The following CDH2 variants were observed in gnomAD, a reference collection of about 807,000 sequenced individuals.
CDH2 encodes the protein cadherin-2.
In CDH2, 17 loss-of-function variants were observed where a neutral mutation model predicts 92.0. The ratio of observed to expected loss-of-function variants is 0.18; its 90% CI spans 0.13 to 0.28. The LOEUF (loss-of-function observed/expected upper bound fraction) is 0.28. CDH2 is among the 10% of genes least tolerant of loss of function. The probability of loss-of-function intolerance (pLI) is 1.00; values close to 1 mark genes in which losing one functional copy is unlikely to be tolerated. For synonymous variants in CDH2, 419 were observed against 415.9 expected (o/e 1.01, Z -0.09); for missense variants, 862 against 1,133.1 (o/e 0.76, Z 3.44).
chr18:28,026,591 A>G (rs2013559743), intron 2 of CDH2, among the ~76,000 whole-genome samples: 1 of 152,118 alleles, frequency 6.6e-6, no homozygotes, highest in Non-Finnish European at 1.5e-5. Context: ...CCTGGAAATT[A>G]TTCTTCCTCA....
intron 5 of CDH2, among the ~76,000 whole-genome samples, chr18:28,008,341 T>C (rs2012999643): frequency 6.6e-6 from 1 of 152,174 alleles, no homozygotes; most frequent in Admixed American, 6.5e-5. Flanking sequence ...TGGAAAGCAT[T>C]AGAATAACCT....
intron 2 of CDH2, among the ~76,000 whole-genome samples, chr18:28,109,962 T>C (rs975010393): frequency 6.6e-6 from 1 of 152,158 alleles, no homozygotes; most frequent in African/African-American, 2.4e-5. Context: ...AGAATGTACA[T>C]ACCATACTTT....
chr18:28,029,868 A>C (rs2013649819), intron 2 of CDH2, among the ~76,000 whole-genome samples: 1 of 152,120 alleles, frequency 6.6e-6, no homozygotes, highest in Non-Finnish European at 1.5e-5. Flanking sequence ...AAGGTATTTT[A>C]AATTTTTCAG....
chr18:27,954,704 C>A (rs1417177219), intron 15 of CDH2: 1 of 152,156 alleles, frequency 6.6e-6, no homozygotes, highest in African/African-American at 2.4e-5. Context: ...CTAACAAAAG[C>A]CGAAGAATGC....
At chr18:28,157,003 T>C (rs1473154192) in intron 1 of CDH2, among the ~76,000 whole-genome samples, 7 of 152,198 alleles carry the variant, frequency 4.6e-5, no homozygotes, top group Admixed American at 2.0e-4. Flanking sequence ...TCTCAAAAGA[T>C]AGACAGGAGC....
downstream of CDH2, among the ~76,000 whole-genome samples, chr18:27,947,656 T>G (rs146042968): frequency 7.4e-3 from 1,089 of 147,566 alleles, 4 homozygotes; most frequent in Non-Finnish European, 0.012. Context: ...GTATGTGATA[T>G]AAGTATATGT....
intron 14 of CDH2, among the ~76,000 whole-genome samples, chr18:27,974,099 C>T (rs976622478): frequency 6.6e-6 from 1 of 152,212 alleles, no homozygotes; most frequent in African/African-American, 2.4e-5. Flanking sequence ...ATTTGTGTGG[C>T]TACTTCTCTC....
intron 2 of CDH2, among the ~76,000 whole-genome samples, chr18:28,137,199 C>A (rs1841700810): frequency 6.6e-6 from 1 of 152,092 alleles, no homozygotes; most frequent in Non-Finnish European, 1.5e-5. Context: ...TGCATTGTTA[C>A]AAAGAATGAC....
At chr18:28,058,901 C>A (rs1252770634) in intron 2 of CDH2, among the ~76,000 whole-genome samples, 4 of 152,156 alleles carry the variant, frequency 2.6e-5, no homozygotes, top group African/African-American at 4.8e-5. Flanking sequence ...GCATAAATAT[C>A]TTAAGTATTG....
intron 1 of CDH2, among the ~76,000 whole-genome samples, chr18:28,175,607 C>A (rs546915084): frequency 6.5e-4 from 99 of 152,288 alleles, no homozygotes; most frequent in Non-Finnish European, 1.1e-3. Context: ...AGCCCCTGCC[C>A]CCGCCCCAGC....
intron 2 of CDH2, among the ~76,000 whole-genome samples, chr18:28,064,144 G>A (rs547635629): frequency 6.6e-6 from 1 of 150,728 alleles, no homozygotes. Context: ...AGAGGGGGGG[G>A]TAGGTGGGGA....
downstream of CDH2, among the ~76,000 whole-genome samples, chr18:27,946,228 G>A (rs988798325): frequency 1.3e-5 from 2 of 151,950 alleles, no homozygotes; most frequent in African/African-American, 4.8e-5. Context: ...AATAGGCTTG[G>A]AGAAATGTGT....
intron 2 of CDH2, among the ~76,000 whole-genome samples, chr18:28,111,231 C>T (rs575951234): frequency 9.9e-5 from 15 of 152,284 alleles, no homozygotes; most frequent in Non-Finnish European, 1.9e-4. Context: ...CGCAGCTTAG[C>T]CTCAGCCTTC....
intron 14 of CDH2, among the ~76,000 whole-genome samples, chr18:27,980,674 T>C (rs1373274996): frequency 1.3e-5 from 2 of 151,834 alleles, no homozygotes; most frequent in Non-Finnish European, 2.9e-5. Context: ...CACAGGAAGA[T>C]TGGTACCAAA....
intron 1 of CDH2, among the ~76,000 whole-genome samples, chr18:28,152,621 A>G (rs2016142255): frequency 6.6e-6 from 1 of 152,216 alleles, no homozygotes; most frequent in Admixed American, 6.5e-5. Context: ...GAAGCAAGGC[A>G]GGATGTCAAA....
intron 11 of CDH2, among the ~76,000 whole-genome samples, chr18:27,987,022 T>C (rs1319998259): frequency 5.3e-5 from 8 of 152,304 alleles, no homozygotes; most frequent in East Asian, 1.9e-4. Flanking sequence ...GAAAGTGCAA[T>C]TGCAAAGCAT....
chr18:28,044,111 C>T (rs1030252758), intron 2 of CDH2, among the ~76,000 whole-genome samples: 1 of 151,860 alleles, frequency 6.6e-6, no homozygotes, highest in African/African-American at 2.4e-5. Context: ...TAGGTTTTCA[C>T]CATGTTGGCC....
rs184930442 is a variant in CDH2, at chr18:27,997,096, T to C, written c.1021-3459A>G. ...TAAATATGACAGTAAAAAATAAACA[T>C]GATGAAATTCTTGGATTCTGGCAGT... On this transcript the variant is annotated intron_variant, in intron 7 of 15. Transcript: ENST00000269141. Among the ~76,000 whole-genome samples, 162 of 152,308 alleles carry C rather than the reference T, an allele frequency of 1.1e-3. 1 individual carries two copies. The highest frequency in any genetic ancestry group is 1.8e-3 in the Non-Finnish European group (124 of 68,020).
At chr18:28,015,518 G>A (rs945814655) in intron 2 of CDH2, among the ~76,000 whole-genome samples, 1 of 152,088 alleles carries the variant, frequency 6.6e-6, no homozygotes, top group African/African-American at 2.4e-5. Context: ...AAAATGAAAT[G>A]TAAAATTGTT....
Sources: allele counts gnomAD v4.1 joint callset (sites outside exome capture counted in the v4.1 genomes callset), GRCh38; gene constraint gnomAD v4.1.1; transcripts MANE v1.5; gene names NCBI Gene and HGNC (gene_info 2026-07-23, HGNC 2026-07-21).